SETD5: variants seen among roughly 807,000 people sequenced by gnomAD.
SETD5 encodes the protein SET domain containing 5.
A neutral mutation model predicts 153.3 loss-of-function variants in SETD5; 44 were observed. That is an observed-to-expected ratio of 0.29 (90% CI 0.23 to 0.37). The LOEUF (loss-of-function observed/expected upper bound fraction) is 0.37. Ranked by LOEUF, SETD5 falls within the 10% of genes least tolerant of loss-of-function variation. The pLI is 1.00. For synonymous variants in SETD5, 716 were observed against 645.2 expected (o/e 1.11, Z -1.66); for missense variants, 1,544 against 1,768.0 (o/e 0.87, Z 2.27).
In SETD5 at chr3:9,447,232, C is replaced by A. The variant is rs1575467693; in HGVS notation, c.1707C>A (p.Asn569Lys). 8.7e-6 allele frequency: 14 copies of A among 1,614,050 alleles called. No individual in the cohort carries two copies. In the Middle Eastern group the frequency reaches 4.9e-4, roughly 57 times the overall value. ...AAGCCCCTGAATCTGAAGTTAGCAA[C>A]TCTGTTTCAAATGTTACCATCCCAA... ...KTEAPESEVS[N>K]SVSNVTIPST... The change falls in exon 14 of 23, where the codon AAC becomes AAA. Residue 569 changes from asparagine (N) to lysine (K), a missense_variant. Asn to Lys is a moderately conservative substitution (Grantham distance 94). Coordinates refer to ENST00000402198, the MANE Select transcript of SETD5 (RefSeq NM_001080517.3).
At chr3:9,441,987 C>T (rs1559417275) in intron 9 of SETD5, 141 bp from the exon 10 acceptor site, 1 of 728,860 alleles carries the variant, frequency 1.4e-6, no homozygotes, top group Non-Finnish European at 2.2e-6. Context: ...TAATCAAAAG[C>T]AGACAAACGT....
chr3:9,452,871 G>T (rs1472232503), intron 16 of SETD5, among the ~76,000 whole-genome samples: 1 of 151,820 alleles, frequency 6.6e-6, no homozygotes, highest in Non-Finnish European at 1.5e-5. Context: ...ATCAAAATTC[G>T]ATCTGTCTTA....
At chr3:9,442,797 G>C (rs2041458193) in intron 10 of SETD5, 1 of 166,158 alleles carries the variant, frequency 6.0e-6, no homozygotes, top group Non-Finnish European at 1.3e-5. Flanking sequence ...CAGCACTTCG[G>C]AAGGCTGAGG....
At chr3:9,451,815 A>G (rs1235185028) in intron 16 of SETD5, among the ~76,000 whole-genome samples, 1 of 152,158 alleles carries the variant, frequency 6.6e-6, no homozygotes, top group Non-Finnish European at 1.5e-5. Context: ...CTTTCGCCAT[A>G]ATAGCGAGAC....
intron 1 of SETD5, among the ~76,000 whole-genome samples, chr3:9,412,398 T>TG (rs1559357138): frequency 7.2e-6 from 1 of 139,106 alleles, no homozygotes; most frequent in Non-Finnish European, 1.6e-5. Context: ...TTTTTTTTTT[T>TG]TTTTTTTTTT....
chr3:9,472,714 C>T (rs1247581987), intron 19 of SETD5, among the ~76,000 whole-genome samples: 2 of 151,870 alleles, frequency 1.3e-5, no homozygotes, highest in Non-Finnish European at 2.9e-5. Flanking sequence ...CTCTCTCCAC[C>T]TACCTCTCCC....
chr3:9,436,050 T>A (rs2040526369), intron 7 of SETD5, 144 bp downstream of exon 7: 2 of 729,848 alleles, frequency 2.7e-6, no homozygotes, highest in Non-Finnish European at 4.5e-6. Flanking sequence ...TCAGCTAATC[T>A]GTGTTATGTA....
chr3:9,402,514 T>A (rs1442065269), intron 1 of SETD5, among the ~76,000 whole-genome samples: 1 of 152,156 alleles, frequency 6.6e-6, no homozygotes, highest in Non-Finnish European at 1.5e-5. Context: ...CTTGGAGTAA[T>A]GTCTTAGTAT....
chr3:9,442,013 T>G, intron 9 of SETD5, 115 bp from the exon 10 acceptor site: 1 of 767,684 alleles, frequency 1.3e-6, no homozygotes, highest in Non-Finnish European at 2.1e-6. Context: ...TTTCCCAAGT[T>G]TAGGCGTTGC....
At chr3:9,458,599 C>T (rs2043544981) in intron 17 of SETD5, among the ~76,000 whole-genome samples, 1 of 152,152 alleles carries the variant, frequency 6.6e-6, no homozygotes, top group African/African-American at 2.4e-5. Flanking sequence ...GACAGCAAGA[C>T]ATCTGTCTCT....
intron 1 of SETD5, chr3:9,423,247 A>G (rs917241610): frequency 2.0e-5 from 3 of 152,238 alleles, no homozygotes; most frequent in Non-Finnish European, 2.9e-5. Flanking sequence ...GAAACCAATT[A>G]AAAAGATGGG....
At chr3:9,432,366 C>A in intron 3 of SETD5, 1 of 801,280 alleles carries the variant, frequency 1.2e-6, no homozygotes, top group Non-Finnish European at 1.5e-6. Context: ...TGATCCCTCA[C>A]TTCTCAATTG....
intron 7 of SETD5, 67 bp downstream of exon 7, chr3:9,435,973 C>T: frequency 7.1e-7 from 1 of 1,402,602 alleles, no homozygotes; most frequent in South Asian, 1.4e-5. Flanking sequence ...AGCAAGAATG[C>T]ACCAAAATTC....
chr3:9,437,203 G>A (rs2125126610), intron 7 of SETD5, among the ~76,000 whole-genome samples: 1 of 152,252 alleles, frequency 6.6e-6, no homozygotes, highest in Middle Eastern at 3.4e-3. Flanking sequence ...TCAACCTTAG[G>A]AGTGGAGTTT....
In SETD5 at chr3:9,470,483, T is replaced by C. The variant is rs1483713495; in HGVS notation, c.2749T>C (p.Leu917=). ...FELCHRKDLD[L]AKVGYLDSNT... is the part of the protein sequence containing the mutation. ...GCTTTGTCACCGAAAAGACCTGGATTTGGCAAAAGTAGGATACCTTGACTC... is the reference window on the plus strand; with the variant it reads ...GCTTTGTCACCGAAAAGACCTGGATCTGGCAAAAGTAGGATACCTTGACTC... The change falls in exon 19 of 23, where the codon TTG becomes CTG. Residue 917 remains leucine, a synonymous_variant. Transcript: ENST00000402198. 1 of 1,611,568 alleles carries C rather than the reference T, an allele frequency of 6.2e-7. No individual in the cohort carries two copies. Among genetic ancestry groups the C allele is most frequent in the South Asian group, 1.1e-5 (1 of 91,028 alleles).
At chr3:9,398,284 C>T (rs560580878) in intron 1 of SETD5, 1 of 152,132 alleles carries the variant, frequency 6.6e-6, no homozygotes, top group South Asian at 2.1e-4. Flanking sequence ...TGGGAACTGC[C>T]TACTCCACGT....
chr3:9,454,667 G>GCTTTAAATC (rs1159608133), intron 17 of SETD5, among the ~76,000 whole-genome samples: 2 of 130,054 alleles, frequency 1.5e-5, no homozygotes, highest in Non-Finnish European at 3.4e-5. Context: ...TTTTAAGACA[G>GCTTTAAATC]CTTTAAATCT....
At chr3:9,433,565 A>G in intron 3 of SETD5, 1 of 1,297,036 alleles carries the variant, frequency 7.7e-7, no homozygotes, top group South Asian at 1.2e-5. Context: ...CTCAGCTGGT[A>G]CGTTTGTGTT....
chr3:9,447,385 A>G, intron 14 of SETD5, 78 bp downstream of exon 14: 1 of 1,526,250 alleles, frequency 6.6e-7, no homozygotes, highest in Non-Finnish European at 8.8e-7. Context: ...GAATTTTTAA[A>G]ATCAGTGTTT....
Sources: allele counts gnomAD v4.1 joint callset (sites outside exome capture counted in the v4.1 genomes callset), GRCh38; gene constraint gnomAD v4.1.1; transcripts MANE v1.5; gene names NCBI Gene and HGNC (gene_info 2026-07-23, HGNC 2026-07-21).